Variants in CFLAR observed in about 807,000 individuals in gnomAD.
CFLAR encodes CASP8 and FADD like apoptosis regulator, also known as CASP8 and FADD-like apoptosis regulator.
A neutral mutation model predicts 51.1 loss-of-function variants in CFLAR; 14 were observed. That is an observed-to-expected ratio of 0.27 (90% CI 0.18 to 0.43). The LOEUF (loss-of-function observed/expected upper bound fraction) is 0.43, where lower values mean the gene tolerates loss of function less well. Among genes scored for constraint, CFLAR ranks in the 20% least tolerant of loss-of-function variants. The probability of loss-of-function intolerance (pLI) is 1.00; values close to 1 mark genes in which losing one functional copy is unlikely to be tolerated. For synonymous variants in CFLAR, 210 were observed against 211.6 expected (o/e 0.99, Z 0.06); for missense variants, 390 against 566.5 (o/e 0.69, Z 3.16).
intron 1 of CFLAR, chr2:201,129,375 T>C (rs2049022441): frequency 5.7e-6 from 1 of 175,268 alleles, no homozygotes; most frequent in Non-Finnish European, 1.2e-5. Flanking sequence ...TTCTACTACG[T>C]ACTTCTTCCC....
Position 201,161,374 on chromosome 2 carries a change from T to A in CFLAR, c.1304+432T>A, listed in dbSNP as rs527236420. Among the ~76,000 whole-genome samples the A allele has an allele frequency of 1.7e-3, 259 of 151,962 alleles. 7 individuals are homozygous for A. Among genetic ancestry groups the A allele is most frequent in the Admixed American group, 5.0e-3 (77 of 15,256 alleles). On this transcript the variant is annotated intron_variant, in intron 9 of 9. Coordinates refer to ENST00000309955, the MANE Select transcript of CFLAR (RefSeq NM_003879.7). ...CAACAGAGGGAGACCTTGTCTCCAA[T>A]AAACAAATAAATAAATACAAATAAC...
rs1450876029 is a variant in CFLAR at position 201,160,879 on chromosome 2, A to C, written c.1241A>C (p.Glu414Ala). The C allele has an allele frequency of 6.2e-7, 1 of 1,612,290 alleles. No individual in the cohort carries two copies. The highest frequency in any genetic ancestry group is 1.7e-5 in the Admixed American group (1 of 59,928). The change falls in exon 9 of 10, where the codon GAG (glutamate) becomes GCG (alanine). Residue 414 changes from glutamate to alanine, a missense_variant. Around this residue, in one of 2 missense-constraint regions of CFLAR, gnomAD observed 287 missense variants for 363.6 expected, o/e 0.79. Transcript: ENST00000309955. The part of the protein sequence containing the change: ...SLCTADMSLL[E>A]QSHSSPSLYL... ...TGTACTGCGGACATGTCCCTGCTGG[A>C]GCAGTCTCACAGCTCACCATCCCTG...
At position 201,160,870 on chromosome 2, in the gene CFLAR, C is replaced by T. The variant is rs762976672; in HGVS notation, c.1232C>T (p.Ser411Phe). ...TGGAGCCTGTGTACTGCGGACATGT[C>T]CCTGCTGGAGCAGTCTCACAGCTCA... ...FFWSLCTADM[S>F]LLEQSHSSPS... Residue 411 changes from serine to phenylalanine, a missense_variant, in exon 9 of 10, where the codon TCC becomes TTC. Ser to Phe is a radical substitution (Grantham distance 155, BLOSUM62 -2). Around this residue, in one of 2 missense-constraint regions of CFLAR, gnomAD observed 287 missense variants for 363.6 expected, o/e 0.79. Coordinates refer to ENST00000309955, the MANE Select transcript of CFLAR (RefSeq NM_003879.7). 2.2e-5 allele frequency: 35 copies of T among 1,612,248 alleles called. No homozygotes were observed. The highest frequency in any genetic ancestry group is 2.8e-5 in the Non-Finnish European group (33 of 1,178,648).
intron 8 of CFLAR, among the ~76,000 whole-genome samples, chr2:201,153,845 A>C (rs1016178957): frequency 2.6e-5 from 4 of 151,110 alleles, no homozygotes; most frequent in Admixed American, 1.3e-4. Flanking sequence ...CTCTCCATTA[A>C]ATTTTTTTTG....
At chr2:201,156,175 G>C (rs1942146545) in intron 8 of CFLAR, among the ~76,000 whole-genome samples, 1 of 152,160 alleles carries the variant, frequency 6.6e-6, no homozygotes, top group Non-Finnish European at 1.5e-5. Flanking sequence ...AGGCAATAAG[G>C]GGAACTTTGT....
chr2:201,151,706 C>T (rs1941307144), intron 8 of CFLAR, among the ~76,000 whole-genome samples: 1 of 150,998 alleles, frequency 6.6e-6, no homozygotes. Flanking sequence ...GTACGTATAT[C>T]TGTTGTATGA....
At chr2:201,132,235 G>A (rs1377499325) in intron 2 of CFLAR, among the ~76,000 whole-genome samples, 1 of 152,048 alleles carries the variant, frequency 6.6e-6, no homozygotes, top group African/African-American at 2.4e-5. Context: ...GGGCTTCATT[G>A]TGTATTGGTG....
chr2:201,130,123 C>T lies in CFLAR; in HGVS notation c.258C>T (p.Asn86=), dbSNP rs779158286. The T allele has an allele frequency of 1.3e-6, 2 of 1,599,992 alleles. No homozygotes were observed. The highest frequency in any genetic ancestry group is 1.1e-5 in the South Asian group (1 of 89,740). The change falls in exon 2 of 10, where the codon AAC becomes AAT. Residue 86 remains asparagine (N), a synonymous_variant. Coordinates refer to ENST00000309955, the MANE Select transcript of CFLAR (RefSeq NM_003879.7). The part of the protein sequence containing the change: ...RKAVETHLLR[N]PHLVSDYRVL... ...CTGTGGAGACCCACCTGCTCAGGAA[C>T]CCTCACCTTGTTTCGGACTATAGGT...
rs187674957 is a variant in CFLAR, at chr2:201,159,672, T to G, written c.794-760T>G. 3.2e-3 allele frequency among the ~76,000 whole-genome samples: 491 copies of G among 152,302 alleles called. 2 individuals are homozygous for G. Among genetic ancestry groups the G allele is most frequent in the African/African-American group, 0.011 (462 of 41,564 alleles). On this transcript the variant is annotated intron_variant, in intron 8 of 9. Transcript: ENST00000309955. The stretch of plus-strand genomic sequence containing the variant: ...AGGAGAAAAGTAAGAAGCCTTTTCC[T>G]TTTACCGATAGGAAAGGTCAAAGGA...
chr2:201,155,467 T>C (rs965844268), intron 8 of CFLAR, among the ~76,000 whole-genome samples: 3 of 152,096 alleles, frequency 2.0e-5, no homozygotes, highest in African/African-American at 7.2e-5. Context: ...TTTCACCATG[T>C]TGGCCAGGCT....
Position 201,138,781 on chromosome 2 carries a change from G to A in CFLAR, c.524-1576G>A, listed in dbSNP as rs1410422567. 13 of 766,970 alleles carry A rather than the reference G, an allele frequency of 1.7e-5. No homozygotes were observed. In the East Asian group the frequency reaches 3.0e-4, roughly 17 times the overall value. The allele number at this position is 766,970 out of a possible 1,614,324, so 47.5% of individuals were successfully genotyped here. ...GCCTGGAACTCTGGGGTGCAGTTGTGGTGAATGAAACCAGTACCTCCCATC... is the reference window on the plus strand; with the variant it reads ...GCCTGGAACTCTGGGGTGCAGTTGTAGTGAATGAAACCAGTACCTCCCATC... On this transcript the variant is annotated intron_variant, in intron 4 of 9. Transcript: ENST00000309955. This position sits in a 1 kb window ranked among gnomAD's most constrained non-coding sequence, Gnocchi z 4.0.
At chr2:201,154,118 T>C (rs1941761199) in intron 8 of CFLAR, 1 of 297,078 alleles carries the variant, frequency 3.4e-6, no homozygotes, top group South Asian at 2.6e-5. Context: ...TAAGACGGAG[T>C]TTCCCTTTTG....
chr2:201,123,568 A>C (rs1019902823), intron 1 of CFLAR, among the ~76,000 whole-genome samples: 13 of 152,272 alleles, frequency 8.5e-5, no homozygotes, highest in African/African-American at 3.1e-4. Context: ...AATCCCATTC[A>C]GGAGGGAGGC....
At chr2:201,159,394 C>T (rs754266087) in intron 8 of CFLAR, among the ~76,000 whole-genome samples, 1 of 152,122 alleles carries the variant, frequency 6.6e-6, no homozygotes, top group Non-Finnish European at 1.5e-5. Flanking sequence ...ACTGCAACCT[C>T]CACCTCCTGG....
chr2:201,149,814 G>A lies in CFLAR; in HGVS notation c.772G>A (p.Asp258Asn). ...SKPLGICLIIDCIGNETELLR... is the reference protein window; with the variant it reads ...SKPLGICLIINCIGNETELLR... The stretch of plus-strand genomic sequence containing the variant: ...GCCCCTAGGAATCTGCCTGATAATC[G>A]ATTGCATTGGCAATGAGACAGGTAG... Residue 258 changes from aspartate to asparagine, a missense_variant, in exon 8 of 10, where the codon GAT (aspartate) becomes AAT (asparagine). Physicochemically the swap from Asp to Asn is conservative, Grantham distance 23. Coordinates refer to ENST00000309955, the MANE Select transcript of CFLAR (RefSeq NM_003879.7). The A allele has an allele frequency of 6.2e-7, 1 of 1,613,442 alleles. No individual in the cohort carries two copies. The highest frequency in any genetic ancestry group is 8.5e-7 in the Non-Finnish European group (1 of 1,179,432).
At chr2:201,130,204 C>T (rs2049115057) in intron 2 of CFLAR, 58 bp downstream of exon 2, 1 of 1,420,328 alleles carries the variant, frequency 7.0e-7, no homozygotes. Flanking sequence ...GTGTCTCAGA[C>T]TCTACTGAAT....
intron 6 of CFLAR, 57 bp from the exon 7 acceptor site, chr2:201,148,946 G>A (rs1186157062): frequency 7.0e-6 from 8 of 1,140,288 alleles, no homozygotes; most frequent in East Asian, 4.7e-5. Context: ...AGCCAGTGTA[G>A]GGGTGGACTT....
Position 201,164,444 on chromosome 2 carries a change from A to G in CFLAR, c.*471A>G, listed in dbSNP as rs1056182068. ...TCCCACAATAGGTCATCTGCAAGCA[A>G]GGAAGCCAATTCAAGTCCCAAAGCT... On this transcript the variant is annotated 3_prime_UTR_variant, in exon 10 of 10. Coordinates refer to ENST00000309955, the MANE Select transcript of CFLAR (RefSeq NM_003879.7). 1.3e-5 allele frequency: 2 copies of G among 152,314 alleles called. No homozygotes were observed. The highest frequency in any genetic ancestry group is 4.8e-5 in the African/African-American group (2 of 41,436). 9.4% of individuals were successfully genotyped at this position (152,314 alleles called of 1,614,324 possible). A position where few individuals can be genotyped will look rare whatever the true frequency, so the allele number is the denominator to read the frequency against.
In CFLAR at chr2:201,173,383, A is replaced by G. The variant is rs1190717048; in HGVS notation, c.*9410A>G. The G allele has an allele frequency of 6.6e-6, 1 of 152,174 alleles. No individual in the cohort carries two copies. Among genetic ancestry groups the G allele is most frequent in the Non-Finnish European group, 1.5e-5 (1 of 68,174 alleles). 9.4% of individuals were successfully genotyped at this position (152,174 alleles called of 1,614,324 possible). Reference sequence around the variant, plus strand: ...CCACCACGCCCGGCTAATTTTTTGTATTTTTAGTAGAGACAGGGTTTCACC... The same window carrying G: ...CCACCACGCCCGGCTAATTTTTTGTGTTTTTAGTAGAGACAGGGTTTCACC... On this transcript the variant is annotated 3_prime_UTR_variant, in exon 10 of 10. Transcript: ENST00000309955.
Sources: allele counts gnomAD v4.1 joint callset (sites outside exome capture counted in the v4.1 genomes callset), GRCh38; gene constraint gnomAD v4.1.1; regional missense constraint gnomAD v4.1.1; non-coding constraint Gnocchi (gnomAD v3.1); transcripts MANE v1.5; gene names NCBI Gene and HGNC (gene_info 2026-07-23, HGNC 2026-07-21).